KCNT2: variants seen among roughly 807,000 people sequenced by gnomAD.
The protein encoded by KCNT2 is potassium sodium-activated channel subfamily T member 2, also known as potassium channel subfamily T member 2.
KCNT2 carries 67 observed loss-of-function variants against 153.8 expected under a neutral mutation model. The observed-to-expected ratio is 0.44, with a 90% confidence interval of 0.36 to 0.53. The LOEUF (loss-of-function observed/expected upper bound fraction) is 0.53. KCNT2 is among the 20% of genes least tolerant of loss of function. KCNT2 has a pLI of 0.00. For synonymous variants in KCNT2, 500 were observed against 458.8 expected, an observed-to-expected ratio of 1.09 and a Z score of -1.15; for missense variants, 975 against 1,354.8, an observed-to-expected ratio of 0.72 and a Z score of 4.40.
chr1:196,391,364 C>A (rs1287986053), intron 13 of KCNT2, among the ~76,000 whole-genome samples: 1 of 151,196 alleles, frequency 6.6e-6, no homozygotes, highest in Non-Finnish European at 1.5e-5. Flanking sequence ...AGAGAGCATA[C>A]CTGGTCTTTT....
chr1:196,342,843 C>G (rs1665799187), intron 14 of KCNT2, among the ~76,000 whole-genome samples: 1 of 152,106 alleles, frequency 6.6e-6, no homozygotes, highest in Non-Finnish European at 1.5e-5. Context: ...ATCTCTCCAA[C>G]TAACTGAATA....
chr1:196,383,936 A>C (rs1248827755), intron 13 of KCNT2, among the ~76,000 whole-genome samples: 1 of 152,192 alleles, frequency 6.6e-6, no homozygotes, highest in African/African-American at 2.4e-5. Context: ...AAAAATGCAT[A>C]GTTATTTTTA....
intron 26 of KCNT2, among the ~76,000 whole-genome samples, chr1:196,244,330 G>A (rs929320832): frequency 1.3e-5 from 2 of 152,038 alleles, no homozygotes; most frequent in Non-Finnish European, 2.9e-5. Flanking sequence ...AAGAGTAAAG[G>A]GGACTTTGTC....
chr1:196,429,036 G>T (rs1388223678), intron 9 of KCNT2, among the ~76,000 whole-genome samples: 1 of 148,746 alleles, frequency 6.7e-6, no homozygotes, highest in Non-Finnish European at 1.5e-5. Context: ...TAGAGATGGG[G>T]TTTTACCTTA....
intron 1 of KCNT2, among the ~76,000 whole-genome samples, chr1:196,553,183 A>G (rs1003848189): frequency 6.6e-6 from 1 of 151,248 alleles, no homozygotes; most frequent in South Asian, 2.1e-4. Context: ...CACTTCCTCT[A>G]TAATGAAAAT....
intron 2 of KCNT2, among the ~76,000 whole-genome samples, chr1:196,491,644 C>A (rs1000310456): frequency 1.3e-5 from 2 of 151,960 alleles, no homozygotes; most frequent in African/African-American, 4.8e-5. Context: ...TGAATAGGCT[C>A]AGGAGGACAG....
At chr1:196,477,817 C>A (rs376641131) in intron 5 of KCNT2, among the ~76,000 whole-genome samples, 1 of 152,172 alleles carries the variant, frequency 6.6e-6, no homozygotes, top group Non-Finnish European at 1.5e-5. Flanking sequence ...TCAACATAAG[C>A]CTTAGTTTCC....
At chr1:196,429,814 C>A (rs1373303726) in intron 8 of KCNT2, 57 bp from the exon 9 acceptor site, 10 of 1,227,048 alleles carry the variant, frequency 8.1e-6, no homozygotes, top group Non-Finnish European at 5.7e-6. Context: ...CATAATTTCT[C>A]ATCATTATTC....
chr1:196,286,532 T>C (rs970909335), intron 22 of KCNT2, among the ~76,000 whole-genome samples: 1 of 152,028 alleles, frequency 6.6e-6, no homozygotes, highest in Non-Finnish European at 1.5e-5. Context: ...CAGTAGTCTC[T>C]AGCTGTCCAT....
intron 22 of KCNT2, among the ~76,000 whole-genome samples, chr1:196,293,859 CAAA>C (rs571759690): frequency 3.5e-5 from 4 of 115,234 alleles, no homozygotes; most frequent in African/African-American, 5.6e-5. Flanking sequence ...TCTGCACAGT[CAAA>C]AAAAAAAAAA....
At chr1:196,572,449 C>A (rs1287114116) in intron 1 of KCNT2, among the ~76,000 whole-genome samples, 1 of 152,008 alleles carries the variant, frequency 6.6e-6, no homozygotes, top group Non-Finnish European at 1.5e-5. Context: ...ATGTCTTAAT[C>A]TTGGCTTTCT....
chr1:196,525,748 C>T (rs1278644116), intron 1 of KCNT2, among the ~76,000 whole-genome samples: 1 of 152,206 alleles, frequency 6.6e-6, no homozygotes, highest in Non-Finnish European at 1.5e-5. Context: ...TTACTGTTTA[C>T]AGCCATGTTG....
Position 196,376,019 on chromosome 1 carries a change from G to A in KCNT2, c.1295-2771C>T, listed in dbSNP as rs138278513. Among the ~76,000 whole-genome samples the A allele has an allele frequency of 3.5e-4, 53 of 151,752 alleles. 2 individuals are homozygous for A. In the East Asian group the frequency reaches 0.01, roughly 29 times the overall value. ...TTCTATATCTAGACTTGTCCTCTTA[G>A]GTCCAAATCCATCCTTCCTCTTGGG... On this transcript the variant is annotated intron_variant, in intron 13 of 27. Coordinates refer to ENST00000294725, the MANE Select transcript of KCNT2 (RefSeq NM_198503.5).
intron 8 of KCNT2, among the ~76,000 whole-genome samples, chr1:196,436,655 C>T (rs1224665321): frequency 6.6e-6 from 1 of 151,230 alleles, no homozygotes; most frequent in East Asian, 1.9e-4. Flanking sequence ...ACTGTCTCCT[C>T]TCTTTCATCA....
chr1:196,499,194 G>A (rs1263137483), intron 1 of KCNT2, among the ~76,000 whole-genome samples: 1 of 152,164 alleles, frequency 6.6e-6, no homozygotes, highest in Non-Finnish European at 1.5e-5. Flanking sequence ...TAGAGCATTA[G>A]TAAAGCGCAA....
At chr1:196,504,220 G>T (rs1340019195) in intron 1 of KCNT2, among the ~76,000 whole-genome samples, 1 of 150,638 alleles carries the variant, frequency 6.6e-6, no homozygotes, top group Non-Finnish European at 1.5e-5. Context: ...ATCTCCTAAT[G>T]CTATCCCTCC....
intron 1 of KCNT2, among the ~76,000 whole-genome samples, chr1:196,587,569 C>A (rs987224523): frequency 2.0e-5 from 3 of 151,972 alleles, no homozygotes; most frequent in African/African-American, 7.2e-5. Flanking sequence ...TGTATCATGT[C>A]TTAATTTCAG....
chr1:196,456,549 G>T (rs1676688381), intron 8 of KCNT2, among the ~76,000 whole-genome samples: 1 of 151,834 alleles, frequency 6.6e-6, no homozygotes, highest in Admixed American at 6.6e-5. Context: ...AGGTGTCAAA[G>T]TGCCCTTAAC....
rs1653579903 is a variant in KCNT2, at chr1:196,227,461, T to C, written c.*763A>G. ...AAATGTGTATTAAGTATTTTCTCTA[T>C]GCTAGGCATTCGTTTAGGAGAATAA... On this transcript the variant is annotated 3_prime_UTR_variant, in exon 28 of 28. Transcript: ENST00000294725. 1 of 152,086 alleles carries C rather than the reference T, an allele frequency of 6.6e-6. No homozygotes were observed. Among genetic ancestry groups the C allele is most frequent in the African/African-American group, 2.4e-5 (1 of 41,456 alleles). The allele number at this position is 152,086 out of a possible 1,614,324, so 9.4% of individuals were successfully genotyped here. A position where few individuals can be genotyped will look rare whatever the true frequency, so the allele number is the denominator to read the frequency against.
Sources: allele counts gnomAD v4.1 joint callset (sites outside exome capture counted in the v4.1 genomes callset), GRCh38; gene constraint gnomAD v4.1.1; transcripts MANE v1.5; gene names NCBI Gene and HGNC (gene_info 2026-07-23, HGNC 2026-07-21).